Variants in PCDHGA7 observed in about 807,000 individuals in gnomAD.
The protein encoded by PCDHGA7 is protocadherin gamma-A7.
In PCDHGA7, 44 loss-of-function variants were observed where a neutral mutation model predicts 58.3. The observed-to-expected ratio is 0.75, with a 90% CI of 0.59 to 0.97. PCDHGA7 has a LOEUF of 0.97. Ranked by LOEUF, PCDHGA7 falls within the 50% of genes least tolerant of loss-of-function variation. PCDHGA7 has a pLI of 0.00. For missense variants in PCDHGA7, 1,266 were observed against 1,188.7 expected, an observed-to-expected ratio of 1.06 and a Z score of -0.96; for synonymous variants, 516 against 504.2, an observed-to-expected ratio of 1.02 and a Z score of -0.31.
At chr5:141,422,546 GGC>G in intron 1 of PCDHGA7, 8 of 1,613,972 alleles carry the variant, frequency 5.0e-6, no homozygotes, top group Non-Finnish European at 6.8e-6. Flanking sequence ...ACTCATGTCT[GGC>G]TGAATGTGGC....
rs753954982 is a variant in PCDHGA7 at position 141,478,158 on chromosome 5, C to A, written c.2425-16649C>A. 9 of 1,613,936 alleles carry A rather than the reference C, an allele frequency of 5.6e-6. No individual in the cohort carries two copies. In the African/African-American group the frequency reaches 1.2e-4, roughly 22 times the overall value. On this transcript the variant is annotated intron_variant, in intron 1 of 3. Transcript: ENST00000518325. ...GCCCGAGCCGAGTTCCCCTCTGGCT[C>A]TGCCCCCCGGGAGCAGAAAAAAAAT...
intron 1 of PCDHGA7, chr5:141,391,730 G>T (rs1334378138): frequency 1.3e-5 from 2 of 152,140 alleles, no homozygotes; most frequent in African/African-American, 4.8e-5. Flanking sequence ...AGACTTTTTT[G>T]TAGTCATACT....
chr5:141,494,400 C>A (rs2099754045), intron 1 of PCDHGA7, among the ~76,000 whole-genome samples: 1 of 152,158 alleles, frequency 6.6e-6, no homozygotes, highest in African/African-American at 2.4e-5. Flanking sequence ...TAAATTCATT[C>A]TAGGGCTGGT....
chr5:141,410,589 A>G (rs2095410065), intron 1 of PCDHGA7: 1 of 1,609,086 alleles, frequency 6.2e-7, no homozygotes, highest in Non-Finnish European at 8.5e-7. Flanking sequence ...GGTGGGGAGG[A>G]TTTGACTTCA....
chr5:141,408,380 G>T, intron 1 of PCDHGA7: 1 of 1,614,028 alleles, frequency 6.2e-7, no homozygotes, highest in East Asian at 2.2e-5. Context: ...CAGTGTCCTG[G>T]ATGTGTCGGC....
chr5:141,420,505 T>C (rs923726040), intron 1 of PCDHGA7: 4 of 457,906 alleles, frequency 8.7e-6, no homozygotes, highest in Middle Eastern at 6.0e-4. Context: ...GGTGACATTT[T>C]TATGAAGTAA....
chr5:141,383,714 G>C lies in PCDHGA7; in HGVS notation c.815G>C (p.Gly272Ala). 1 of 1,613,972 alleles carries C rather than the reference G, an allele frequency of 6.2e-7. No homozygotes were observed. The highest frequency in any genetic ancestry group is 8.5e-7 in the Non-Finnish European group (1 of 1,179,860). The change falls in exon 1 of 4, where the codon GGA becomes GCA. Residue 272 changes from glycine to alanine, a missense_variant. Coordinates refer to ENST00000518325, the MANE Select transcript of PCDHGA7 (RefSeq NM_018920.4). ...GTACATGCTATCGACCTGGACGAGGGAGTCAATGGGGAAGTGACATATTCT... is the reference window on the plus strand; with the variant it reads ...GTACATGCTATCGACCTGGACGAGGCAGTCAATGGGGAAGTGACATATTCT... Reference protein sequence around the residue: ...LTVHAIDLDEGVNGEVTYSFR... With the variant: ...LTVHAIDLDEAVNGEVTYSFR...
At chr5:141,428,049 G>A (rs770637382) in intron 1 of PCDHGA7, 16 of 1,608,954 alleles carry the variant, frequency 9.9e-6, no homozygotes, top group Non-Finnish European at 1.4e-5. Flanking sequence ...GGTGACCAAG[G>A]TGGTGGCGGT....
At chr5:141,446,401 T>C (rs1321106896) in intron 1 of PCDHGA7, among the ~76,000 whole-genome samples, 1 of 152,166 alleles carries the variant, frequency 6.6e-6, no homozygotes, top group African/African-American at 2.4e-5. Context: ...AGAAATCGAG[T>C]TGAGTTCCAG....
chr5:141,469,226 A>G (rs998643671), intron 1 of PCDHGA7, among the ~76,000 whole-genome samples: 1 of 152,066 alleles, frequency 6.6e-6, no homozygotes, highest in Non-Finnish European at 1.5e-5. Context: ...TCAGTGAGCC[A>G]TGATCACCCC....
intron 1 of PCDHGA7, among the ~76,000 whole-genome samples, chr5:141,406,302 C>T (rs897412289): frequency 1.3e-4 from 20 of 152,020 alleles, no homozygotes; most frequent in African/African-American, 4.8e-4. Context: ...GAGGTGTGAA[C>T]CACCTCACCC....
chr5:141,495,900 G>A (rs1403705200), intron 2 of PCDHGA7, among the ~76,000 whole-genome samples: 2 of 151,894 alleles, frequency 1.3e-5, no homozygotes, highest in East Asian at 1.9e-4. Context: ...CTTTGTCTCT[G>A]TCTCTGTATA....
At chr5:141,413,215 T>C in intron 1 of PCDHGA7, 1 of 1,613,350 alleles carries the variant, frequency 6.2e-7, no homozygotes, top group Non-Finnish European at 8.5e-7. Context: ...ATCAAAGGAT[T>C]GCAGCGGGCT....
chr5:141,421,322 T>TC (rs761059925), intron 1 of PCDHGA7: 24 of 1,613,746 alleles, frequency 1.5e-5, no homozygotes, highest in Middle Eastern at 1.6e-4. Flanking sequence ...GCCAGGCAGA[T>TC]CCGATATTCG....
intron 1 of PCDHGA7, chr5:141,393,872 T>G (rs774307056): frequency 1.2e-6 from 2 of 1,613,898 alleles, no homozygotes; most frequent in Admixed American, 3.3e-5. Flanking sequence ...CGTCTTTGTT[T>G]AGCCCAGTGT....
At chr5:141,448,480 C>A (rs889742803) in intron 1 of PCDHGA7, among the ~76,000 whole-genome samples, 1 of 152,184 alleles carries the variant, frequency 6.6e-6, no homozygotes, top group Admixed American at 6.6e-5. Flanking sequence ...ACCCTTGCTT[C>A]CTCCTGTCCC....
At position 141,476,051 on chromosome 5, in the gene PCDHGA7, GA is replaced by G; in HGVS notation, c.2425-18753del. On this transcript the variant is annotated intron_variant, in intron 1 of 3. Transcript: ENST00000518325. This position sits in a 1 kb window ranked among gnomAD's most constrained non-coding sequence, Gnocchi z 7.6. ...CCCAGCGCCCAAGCGCTAACCCGCT[GA>G]AAGTTTCTCAGCGAAATCTCAGGGA... 1.3e-6 allele frequency: 2 copies of G among 1,504,270 alleles called. No individual in the cohort carries two copies. The highest frequency in any genetic ancestry group is 1.8e-6 in the Non-Finnish European group (2 of 1,133,694). The allele number at this position is 1,504,270 out of a possible 1,614,324, so 93.2% of individuals were successfully genotyped here.
At position 141,489,646 on chromosome 5, in the gene PCDHGA7, C is replaced by A. The variant is rs1274955075; in HGVS notation, c.2425-5161C>A. 1.2e-6 allele frequency: 2 copies of A among 1,614,186 alleles called. No homozygotes were observed. The highest frequency in any genetic ancestry group is 2.7e-5 in the African/African-American group (2 of 75,048). On this transcript the variant is annotated intron_variant, in intron 1 of 3. Coordinates refer to ENST00000518325, the MANE Select transcript of PCDHGA7 (RefSeq NM_018920.4). This position sits in a 1 kb window ranked among gnomAD's most constrained non-coding sequence, Gnocchi z 4.5. Reference sequence around the variant, plus strand: ...TGACAACTCTCCTAGCTTTGCCACCCCTGAGCGAGAGATGCGCATCTCAGA... The same window carrying A: ...TGACAACTCTCCTAGCTTTGCCACCACTGAGCGAGAGATGCGCATCTCAGA...
At chr5:141,506,119 G>T (rs1171566108) in intron 3 of PCDHGA7, among the ~76,000 whole-genome samples, 1 of 152,106 alleles carries the variant, frequency 6.6e-6, no homozygotes, top group African/African-American at 2.4e-5. Context: ...AGTCACTAGG[G>T]CCCAGAGCAG....
Sources: allele counts gnomAD v4.1 joint callset (sites outside exome capture counted in the v4.1 genomes callset), GRCh38; gene constraint gnomAD v4.1.1; non-coding constraint Gnocchi (gnomAD v3.1); transcripts MANE v1.5; gene names NCBI Gene and HGNC (gene_info 2026-07-23, HGNC 2026-07-21).